CD22: variants seen among roughly 807,000 people sequenced by gnomAD.
CD22 encodes CD22 molecule, also known as B-cell receptor CD22.
A neutral mutation model predicts 94.7 loss-of-function variants in CD22; 51 were observed. The ratio of observed to expected loss-of-function variants is 0.54; its 90% CI spans 0.43 to 0.68. CD22 has a LOEUF of 0.68. CD22 is among the 30% of genes least tolerant of loss of function. CD22 has a pLI of 0.00. For missense variants in CD22, 931 were observed against 1,060.4 expected (o/e 0.88, Z 1.69); for synonymous variants, 424 against 422.5 (o/e 1.00, Z -0.04).
Position 35,336,047 on chromosome 19 carries a change from C to T in CD22, c.424C>T (p.Pro142Ser), listed in dbSNP as rs776112462. The T allele has an allele frequency of 1.2e-6, 2 of 1,613,082 alleles. No individual in the cohort carries two copies. The highest frequency in any genetic ancestry group is 1.1e-5 in the South Asian group (1 of 91,018). ...CTGTTCTTTTGCAGAAAGGCCTTTT[C>T]CACCTCATATCCAGCTCCCTCCAGA... ...IHLNVSERPF[P>S]PHIQLPPEIQ... The change falls in exon 4 of 14, where the codon CCA becomes TCA. Residue 142 changes from proline to serine, a missense_variant. By Grantham distance (74) the Pro-to-Ser change is moderately conservative. Coordinates refer to ENST00000085219, the MANE Select transcript of CD22 (RefSeq NM_001771.4).
At chr19:35,336,610 C>T (rs1026159580) in intron 4 of CD22, 7 of 481,620 alleles carry the variant, frequency 1.5e-5, no homozygotes, top group Non-Finnish European at 1.9e-5. Context: ...GGATTTTTTT[C>T]GCATCATTAT....
Position 35,332,836 on chromosome 19 carries a change from G to A in CD22, c.324G>A (p.Pro108=), listed in dbSNP as rs145824675. 343 of 1,614,116 alleles carry A rather than the reference G, an allele frequency of 2.1e-4. No homozygotes were observed. Among genetic ancestry groups the A allele is most frequent in the Admixed American group, 9.2e-4 (55 of 60,026 alleles). ...KNKNCTLSIH[P]VHLNDSGQLG... is the part of the protein sequence containing the mutation. ...AGAACTGCACACTGAGTATCCACCCGGTGCACCTCAATGACAGTGGTCAGC... is the reference window on the plus strand; with the variant it reads ...AGAACTGCACACTGAGTATCCACCCAGTGCACCTCAATGACAGTGGTCAGC... Residue 108 remains proline, a synonymous_variant, in exon 3 of 14, where the codon CCG becomes CCA. Coordinates refer to ENST00000085219, the MANE Select transcript of CD22 (RefSeq NM_001771.4).
At chr19:35,331,679 T>C in intron 1 of CD22, 1 of 255,342 alleles carries the variant, frequency 3.9e-6, no homozygotes, top group Non-Finnish European at 7.8e-6. Context: ...TGAAACCCCA[T>C]CTCTACTGAA....
chr19:35,346,122 C>T (rs759829863), intron 12 of CD22, 29 bp from the exon 13 acceptor site: 11 of 1,549,246 alleles, frequency 7.1e-6, no homozygotes, highest in South Asian at 3.3e-5. Context: ...ATGCTTCATG[C>T]GTGGTCGTCT....
rs888421080 is a variant in CD22 at position 35,347,197 on chromosome 19, G to C, written c.*500G>C. 6.5e-6 allele frequency: 1 copy of C among 154,938 alleles called. No homozygotes were observed. Among genetic ancestry groups the C allele is most frequent in the Non-Finnish European group, 1.4e-5 (1 of 69,650 alleles). 9.6% of individuals were successfully genotyped at this position (154,938 alleles called of 1,614,324 possible). ...ACGAAGTAGAAAGGGGCCCAGTCCTGGCCTGGCTTCTCCTTTGGAAGTGAG... is the reference window on the plus strand; with the variant it reads ...ACGAAGTAGAAAGGGGCCCAGTCCTCGCCTGGCTTCTCCTTTGGAAGTGAG... On this transcript the variant is annotated 3_prime_UTR_variant, in exon 14 of 14. Transcript: ENST00000085219.
rs1166548452 is a variant in CD22, at chr19:35,346,862, G to C, written c.*165G>C. 1 of 719,552 alleles carries C rather than the reference G, an allele frequency of 1.4e-6. No homozygotes were observed. Among genetic ancestry groups the C allele is most frequent in the East Asian group, 3.0e-5 (1 of 33,652 alleles). The allele number at this position is 719,552 out of a possible 1,614,324, so 44.6% of individuals were successfully genotyped here. On this transcript the variant is annotated 3_prime_UTR_variant, in exon 14 of 14. Coordinates refer to ENST00000085219, the MANE Select transcript of CD22 (RefSeq NM_001771.4). ...CTCACTGCGGAGAACCTTGTGCCTG[G>C]CTCAGAGCCAGTCTTTTTGGTGAGG...
Position 35,346,695 on chromosome 19 carries a change from T to G in CD22, c.2542T>G (p.Ter848GlyextTer87). The G allele has an allele frequency of 6.2e-7, 1 of 1,605,616 alleles. No individual in the cohort carries two copies. Among genetic ancestry groups the G allele is most frequent in the Non-Finnish European group, 8.5e-7 (1 of 1,175,100 alleles). ...ENVDYVILKH[*>G] ...TGTGGACTATGTGATCCTCAAACAT[T>G]GACACTGGATGGGCTGCAGCAGAGG... Residue 848 changes from the stop codon to glycine (G), a stop_lost, in exon 14 of 14, where the codon TGA becomes GGA. Coordinates refer to ENST00000085219, the MANE Select transcript of CD22 (RefSeq NM_001771.4).
At chr19:35,331,436 T>A (rs1378872069) in intron 1 of CD22, among the ~76,000 whole-genome samples, 2 of 151,866 alleles carry the variant, frequency 1.3e-5, no homozygotes, top group African/African-American at 4.8e-5. Context: ...GATGGATGAA[T>A]GGATGGATGG....
In CD22 at chr19:35,341,788, G is replaced by A. The variant is rs369740146; in HGVS notation, c.1858G>A (p.Ala620Thr). The change falls in exon 9 of 14, where the codon GCC becomes ACC. Residue 620 changes from alanine (A) to threonine (T), a missense_variant. Coordinates refer to ENST00000085219, the MANE Select transcript of CD22 (RefSeq NM_001771.4). The surrounding 1 kb of genome is among the most constrained non-coding windows in gnomAD (Gnocchi z 4.0). ...TGCAACCCTGACCTGTGAGAGCGAC[G>A]CCAACCCTCCCGTCTCCCACTACAC... is the stretch of plus-strand genomic sequence containing the variant. ...KSATLTCESD[A>T]NPPVSHYTWF... 21 of 1,613,334 alleles carry A rather than the reference G, an allele frequency of 1.3e-5. No individual in the cohort carries two copies. The highest frequency in any genetic ancestry group is 1.5e-5 in the Non-Finnish European group (18 of 1,180,010).
intron 6 of CD22, among the ~76,000 whole-genome samples, chr19:35,339,681 C>A (rs1319873401): frequency 6.6e-6 from 1 of 152,120 alleles, no homozygotes; most frequent in Admixed American, 6.6e-5. Flanking sequence ...CATGGCGAAA[C>A]CCTGTCTCTA....
chr19:35,346,826 A>C lies in CD22; in HGVS notation c.*129A>C, dbSNP rs1216698598. 4 of 854,836 alleles carry C rather than the reference A, an allele frequency of 4.7e-6. No individual in the cohort carries two copies. Among genetic ancestry groups the C allele is most frequent in the Non-Finnish European group, 7.1e-6 (4 of 565,266 alleles). 53.0% of individuals were successfully genotyped at this position (854,836 alleles called of 1,614,324 possible). The stretch of plus-strand genomic sequence containing the variant: ...CACACACACACACACACGCACACAC[A>C]CACACACACACTCACTGCGGAGAAC... On this transcript the variant is annotated 3_prime_UTR_variant, in exon 14 of 14. Coordinates refer to ENST00000085219, the MANE Select transcript of CD22 (RefSeq NM_001771.4).
chr19:35,341,299 G>T lies in CD22; in HGVS notation c.1508-44G>T. On this transcript the variant is annotated intron_variant, in intron 7 of 13. Coordinates refer to ENST00000085219, the MANE Select transcript of CD22 (RefSeq NM_001771.4). This position sits in a 1 kb window ranked among gnomAD's most constrained non-coding sequence, Gnocchi z 4.0. ...GAGGGGAGGCCTGGGGACAGCAAAA[G>T]GGACAGGGAGCGGAGAGGTCAGCTT... The T allele has an allele frequency of 6.2e-7, 1 of 1,603,096 alleles. No individual in the cohort carries two copies. Among genetic ancestry groups the T allele is most frequent in the East Asian group, 2.2e-5 (1 of 44,688 alleles).
At position 35,341,658 on chromosome 19, in the gene CD22, GC is replaced by G. The variant is rs1568489509; in HGVS notation, c.1772-42del. On this transcript the variant is annotated intron_variant, in intron 8 of 13. Coordinates refer to ENST00000085219, the MANE Select transcript of CD22 (RefSeq NM_001771.4). The surrounding 1 kb of genome is among the most constrained non-coding windows in gnomAD (Gnocchi z 4.0). ...GGAGCAGAGAAGGGACCAGTGGCCTGCCTGGTAGTGACTTCGCACCCCCTCC... is the reference window on the plus strand; with the variant it reads ...GGAGCAGAGAAGGGACCAGTGGCCTGCTGGTAGTGACTTCGCACCCCCTCC... 1 of 1,606,754 alleles carries G rather than the reference GC, an allele frequency of 6.2e-7. No homozygotes were observed.
intron 6 of CD22, among the ~76,000 whole-genome samples, chr19:35,339,599 T>TA (rs1467539861): frequency 6.6e-6 from 1 of 152,082 alleles, no homozygotes; most frequent in Non-Finnish European, 1.5e-5. Flanking sequence ...CTTACGCCTG[T>TA]AATCCCAGCA....
chr19:35,341,166 C>T lies in CD22; in HGVS notation c.1507+28C>T, dbSNP rs1241939526. 6.2e-7 allele frequency: 1 copy of T among 1,612,664 alleles called. No homozygotes were observed. The highest frequency in any genetic ancestry group is 2.2e-5 in the East Asian group (1 of 44,840). On this transcript the variant is annotated intron_variant, in intron 7 of 13. Coordinates refer to ENST00000085219, the MANE Select transcript of CD22 (RefSeq NM_001771.4). The surrounding 1 kb of genome is among the most constrained non-coding windows in gnomAD (Gnocchi z 4.0). Reference sequence around the variant, plus strand: ...GAGTCCCTGGGCTAGGCAGGGGGATCTGGGAGGTGGCCCGGCTGGGATGAG... The same window carrying T: ...GAGTCCCTGGGCTAGGCAGGGGGATTTGGGAGGTGGCCCGGCTGGGATGAG...
chr19:35,338,136 A>T (rs551708255), intron 5 of CD22, 32 bp from the exon 6 acceptor site: 1 of 1,588,026 alleles, frequency 6.3e-7, no homozygotes, highest in East Asian at 2.2e-5. Flanking sequence ...TGCTCTCCTC[A>T]CCCCTCCACT....
At position 35,332,604 on chromosome 19, in the gene CD22, C is replaced by T. The variant is rs376515050; in HGVS notation, c.92C>T (p.Thr31Ile). The T allele has an allele frequency of 2.9e-5, 46 of 1,614,006 alleles. No individual in the cohort carries two copies. The African/African-American group carries it at 3.7e-4, about 13-fold the overall frequency. The stretch of plus-strand genomic sequence containing the variant: ...AAATGGGTTTTTGAGCACCCTGAAA[C>T]CCTCTACGCCTGGGAGGGGGCCTGC... ...SSKWVFEHPETLYAWEGACVW... is the reference protein window; with the variant it reads ...SSKWVFEHPEILYAWEGACVW... The change falls in exon 3 of 14, where the codon ACC (threonine) becomes ATC (isoleucine). Residue 31 changes from threonine to isoleucine, a missense_variant. Transcript: ENST00000085219.
Position 35,346,817 on chromosome 19 carries a change from C to A in CD22, c.*120C>A. Reference sequence around the variant, plus strand: ...GCATGTGCGCACACACACACACACACGCACACACACACACACACACTCACT... The same window carrying A: ...GCATGTGCGCACACACACACACACAAGCACACACACACACACACACTCACT... On this transcript the variant is annotated 3_prime_UTR_variant, in exon 14 of 14. Coordinates refer to ENST00000085219, the MANE Select transcript of CD22 (RefSeq NM_001771.4). 1.1e-6 allele frequency: 1 copy of A among 875,106 alleles called. No homozygotes were observed. Among genetic ancestry groups the A allele is most frequent in the Non-Finnish European group, 1.7e-6 (1 of 583,624 alleles). 54.2% of individuals were successfully genotyped at this position (875,106 alleles called of 1,614,324 possible). A position where few individuals can be genotyped will look rare whatever the true frequency, so the allele number is the denominator to read the frequency against.
Position 35,337,711 on chromosome 19 carries a change from G to T in CD22, c.719-44G>T. 1 of 1,543,476 alleles carries T rather than the reference G, an allele frequency of 6.5e-7. No individual in the cohort carries two copies. Among genetic ancestry groups the T allele is most frequent in the South Asian group, 1.2e-5 (1 of 82,060 alleles). On this transcript the variant is annotated intron_variant, in intron 4 of 13. Coordinates refer to ENST00000085219, the MANE Select transcript of CD22 (RefSeq NM_001771.4). This position sits in a 1 kb window ranked among gnomAD's most constrained non-coding sequence, Gnocchi z 4.4. ...GCACTTTCCACACCCTCCACCCTCT[G>T]AGGATTCCCCGCCCCCTCCCCGACT...
Sources: gnomAD v4.1 joint callset for allele counts (sites outside exome capture counted in the v4.1 genomes callset) on GRCh38, gnomAD v4.1.1 for gene constraint, Gnocchi (gnomAD v3.1) non-coding constraint, MANE v1.5 for transcripts, NCBI Gene and HGNC (gene_info 2026-07-23, HGNC 2026-07-21) for gene names.